Variants in RAP1A observed in about 807,000 individuals in gnomAD.
RAP1A encodes RAP1A, member of RAS oncogene family.
RAP1A carries 6 observed loss-of-function variants against 26.4 expected under a neutral mutation model. That is an observed-to-expected ratio of 0.23 (90% CI 0.12 to 0.45). The LOEUF (loss-of-function observed/expected upper bound fraction) is 0.45. Among genes scored for constraint, RAP1A ranks in the 20% least tolerant of loss-of-function variants. The pLI is 0.99. For missense variants in RAP1A, 121 were observed against 217.2 expected, an observed-to-expected ratio of 0.56 and a Z score of 2.78; for synonymous variants, 73 against 79.4, an observed-to-expected ratio of 0.92 and a Z score of 0.43.
chr1:111,601,432 T>C (rs893389594), intron 1 of RAP1A, among the ~76,000 whole-genome samples: 4 of 152,234 alleles, frequency 2.6e-5, no homozygotes, highest in Non-Finnish European at 4.4e-5. Context: ...TAAAGCTATG[T>C]AATGACTAAG....
intron 1 of RAP1A, among the ~76,000 whole-genome samples, chr1:111,647,121 G>A (rs943587632): frequency 2.0e-5 from 3 of 152,142 alleles, no homozygotes; most frequent in Admixed American, 6.5e-5. Flanking sequence ...GGTAAGCAGC[G>A]TTGAGTGTTA....
At chr1:111,559,678 TA>T (rs1266070084) in intron 1 of RAP1A, among the ~76,000 whole-genome samples, 1 of 152,222 alleles carries the variant, frequency 6.6e-6, no homozygotes, top group African/African-American at 2.4e-5. Context: ...TATTAATATT[TA>T]AAACATCCAT....
At chr1:111,637,538 T>G (rs1659762610) in intron 1 of RAP1A, among the ~76,000 whole-genome samples, 1 of 152,232 alleles carries the variant, frequency 6.6e-6, no homozygotes, top group Non-Finnish European at 1.5e-5. Context: ...CTGTTGAGAA[T>G]GCATGCAATA....
chr1:111,554,688 C>T (rs1412874637), intron 1 of RAP1A, among the ~76,000 whole-genome samples: 1 of 152,234 alleles, frequency 6.6e-6, no homozygotes, highest in Non-Finnish European at 1.5e-5. Flanking sequence ...AAAGTCTTCT[C>T]TTGAGAATTT....
At chr1:111,666,643 T>A (rs200689327) in intron 1 of RAP1A, among the ~76,000 whole-genome samples, 2 of 148,090 alleles carry the variant, frequency 1.4e-5, no homozygotes, top group East Asian at 1.9e-4. Flanking sequence ...CACAGAGATT[T>A]AAAAAAAAAA....
chr1:111,581,464 A>T (rs1658257181), intron 1 of RAP1A, among the ~76,000 whole-genome samples: 2 of 152,220 alleles, frequency 1.3e-5, no homozygotes, highest in African/African-American at 4.8e-5. Context: ...TTTAATGTAC[A>T]GCACAGCCCC....
intron 1 of RAP1A, among the ~76,000 whole-genome samples, chr1:111,558,704 A>T (rs1657614150): frequency 6.6e-6 from 1 of 152,216 alleles, no homozygotes; most frequent in African/African-American, 2.4e-5. Flanking sequence ...TCCCAGGAAG[A>T]TATAAACTTC....
chr1:111,655,830 C>T (rs1660440064), intron 1 of RAP1A, among the ~76,000 whole-genome samples: 1 of 151,806 alleles, frequency 6.6e-6, no homozygotes, highest in Non-Finnish European at 1.5e-5. Context: ...CCCACCACCA[C>T]GCCTGGCTAA....
At chr1:111,576,304 C>T (rs770007714) in intron 1 of RAP1A, among the ~76,000 whole-genome samples, 1 of 152,166 alleles carries the variant, frequency 6.6e-6, no homozygotes. Context: ...ACACAAGACA[C>T]AAAACCAAAT....
chr1:111,588,203 A>G (rs1658415288), intron 1 of RAP1A, among the ~76,000 whole-genome samples: 1 of 152,168 alleles, frequency 6.6e-6, no homozygotes. Flanking sequence ...TCACCCACAC[A>G]TCTGATTGGT....
intron 1 of RAP1A, among the ~76,000 whole-genome samples, chr1:111,684,487 C>G (rs993554234): frequency 2.4e-4 from 37 of 151,958 alleles, no homozygotes; most frequent in Admixed American, 6.6e-4. Flanking sequence ...ACAAACATTC[C>G]TATACACTAA....
chr1:111,551,814 G>A (rs1218491669), intron 1 of RAP1A, among the ~76,000 whole-genome samples: 2 of 149,870 alleles, frequency 1.3e-5, no homozygotes, highest in African/African-American at 2.4e-5. Context: ...ACTTTATTGG[G>A]GCATGCCTTC....
chr1:111,609,783 G>C (rs914476162), intron 1 of RAP1A, among the ~76,000 whole-genome samples: 12 of 151,948 alleles, frequency 7.9e-5, no homozygotes, highest in Non-Finnish European at 1.5e-5. Context: ...TTACAGGCAC[G>C]CACCACCATA....
Position 111,664,296 on chromosome 1 carries a change from C to G in RAP1A, c.-27-27038C>G, listed in dbSNP as rs1021006547. The stretch of plus-strand genomic sequence containing the variant: ...GGCTAAGGCAGAAGAATCGCTTGAA[C>G]CAAGGAGGCGGAGGTTGTAGTAAGC... On this transcript the variant is annotated intron_variant, in intron 1 of 7. Transcript: ENST00000369709. Among the ~76,000 whole-genome samples the G allele has an allele frequency of 1.8e-4, 26 of 141,804 alleles. 1 individual carries two copies. Among genetic ancestry groups the G allele is most frequent in the African/African-American group, 6.2e-4 (24 of 38,986 alleles). The allele number at this position is 141,804 out of a possible 152,430, so 93.0% of individuals were successfully genotyped here.
At chr1:111,619,487 T>C (rs925010270), upstream of RAP1A, among the ~76,000 whole-genome samples, 2 of 152,228 alleles carry the variant, frequency 1.3e-5, no homozygotes, top group African/African-American at 4.8e-5. Flanking sequence ...AGGTGCTCAA[T>C]TAGGGCTTGT....
At chr1:111,642,481 G>A (rs1571520491) in intron 1 of RAP1A, among the ~76,000 whole-genome samples, 1 of 150,798 alleles carries the variant, frequency 6.6e-6, no homozygotes, top group South Asian at 2.1e-4. Context: ...ATAAACTAGA[G>A]TAGGTGTTAA....
At chr1:111,627,842 T>A (rs1350834718) in intron 1 of RAP1A, among the ~76,000 whole-genome samples, 1 of 152,026 alleles carries the variant, frequency 6.6e-6, no homozygotes, top group Non-Finnish European at 1.5e-5. Context: ...TGAGAAAGCT[T>A]GTTTTATAGT....
intron 1 of RAP1A, among the ~76,000 whole-genome samples, chr1:111,686,873 T>C (rs1026769215): frequency 2.0e-5 from 3 of 151,882 alleles, no homozygotes; most frequent in East Asian, 3.8e-4. Context: ...CTTTTTTTTT[T>C]CACTAACCTC....
chr1:111,633,756 A>T (rs1659644034), intron 1 of RAP1A, among the ~76,000 whole-genome samples: 1 of 152,232 alleles, frequency 6.6e-6, no homozygotes, highest in African/African-American at 2.4e-5. Flanking sequence ...TTACATTGGA[A>T]TATGATAGCA....
Sources: allele counts gnomAD v4.1 joint callset (sites outside exome capture counted in the v4.1 genomes callset), GRCh38; gene constraint gnomAD v4.1.1; transcripts MANE v1.5; gene names NCBI Gene and HGNC (gene_info 2026-07-23, HGNC 2026-07-21).